Variants in SIK2 observed in about 807,000 individuals in gnomAD.
The protein encoded by SIK2 is serine/threonine-protein kinase SIK2.
In SIK2, 29 loss-of-function variants were observed where a neutral mutation model predicts 103.2. The observed-to-expected ratio is 0.28, with a 90% CI of 0.21 to 0.38. The LOEUF is 0.38. Among genes scored for constraint, SIK2 ranks in the 10% least tolerant of loss-of-function variants. SIK2 has a pLI of 1.00. For synonymous variants in SIK2, 412 were observed against 446.1 expected, an observed-to-expected ratio of 0.92 and a Z score of 0.96; for missense variants, 879 against 1,171.0, an observed-to-expected ratio of 0.75 and a Z score of 3.64.
chr11:111,661,629 A>G (rs540415765), intron 3 of SIK2, among the ~76,000 whole-genome samples: 12 of 152,360 alleles, frequency 7.9e-5, no homozygotes, highest in African/African-American at 2.9e-4. Context: ...TCATACTGCT[A>G]TTAGGAAATA....
At chr11:111,677,586 ATTTTTTTTTT>A (rs11384906) in intron 3 of SIK2, among the ~76,000 whole-genome samples, 1 of 110,940 alleles carries the variant, frequency 9.0e-6, no homozygotes. Context: ...CCCAGCTAAA[ATTTTTTTTTT>A]TTTTTTTTTT....
At chr11:111,681,224 C>T (rs1280706867) in intron 3 of SIK2, among the ~76,000 whole-genome samples, 1 of 152,122 alleles carries the variant, frequency 6.6e-6, no homozygotes, top group Non-Finnish European at 1.5e-5. Flanking sequence ...TTATAGACCT[C>T]CTTGAAATTA....
At chr11:111,616,536 T>G (rs1941808846) in intron 2 of SIK2, among the ~76,000 whole-genome samples, 177 bp downstream of exon 2, 1 of 152,170 alleles carries the variant, frequency 6.6e-6, no homozygotes, top group Non-Finnish European at 1.5e-5. Context: ...TCAGAAATCT[T>G]AAGTCATCTC....
chr11:111,634,803 T>C (rs760548819), intron 3 of SIK2, among the ~76,000 whole-genome samples: 11 of 152,226 alleles, frequency 7.2e-5, no homozygotes, highest in Non-Finnish European at 2.9e-5. Flanking sequence ...GCACATGTTG[T>C]ATGGGTTTTA....
chr11:111,643,577 G>A (rs528250134), intron 3 of SIK2, among the ~76,000 whole-genome samples: 55 of 152,226 alleles, frequency 3.6e-4, no homozygotes, highest in African/African-American at 9.2e-4. Context: ...TTGGGAGGCC[G>A]AGACTGGCAG....
intron 3 of SIK2, among the ~76,000 whole-genome samples, chr11:111,629,932 T>TGC (rs1343232791): frequency 6.6e-6 from 1 of 152,182 alleles, no homozygotes; most frequent in Non-Finnish European, 1.5e-5. Context: ...TAAACATGCA[T>TGC]ATACCCCATC....
At chr11:111,655,176 C>T (rs1942375825) in intron 3 of SIK2, among the ~76,000 whole-genome samples, 1 of 152,128 alleles carries the variant, frequency 6.6e-6, no homozygotes. Context: ...CCAAGGCACG[C>T]AGATCACTTG....
At chr11:111,671,936 G>A (rs996982900) in intron 3 of SIK2, 4 of 472,106 alleles carry the variant, frequency 8.5e-6, no homozygotes, top group African/African-American at 8.0e-5. Context: ...GTGTCCAGCT[G>A]CCACCAAAGG....
intron 3 of SIK2, among the ~76,000 whole-genome samples, chr11:111,630,621 C>G (rs184189387): frequency 2.0e-5 from 3 of 152,150 alleles, no homozygotes; most frequent in Admixed American, 1.3e-4. Flanking sequence ...GTTGGTTATG[C>G]CTTTTATTAG....
chr11:111,694,871 C>G (rs1045527580), intron 4 of SIK2, among the ~76,000 whole-genome samples: 1 of 152,128 alleles, frequency 6.6e-6, no homozygotes, highest in Non-Finnish European at 1.5e-5. Flanking sequence ...TGCTTCTTAG[C>G]TCATTGAACT....
intron 3 of SIK2, among the ~76,000 whole-genome samples, chr11:111,632,690 G>A (rs1349909456): frequency 3.3e-5 from 5 of 152,048 alleles, no homozygotes; most frequent in Non-Finnish European, 7.4e-5. Flanking sequence ...ATTATATGCC[G>A]CCTTAGAGTT....
intron 3 of SIK2, among the ~76,000 whole-genome samples, chr11:111,669,253 C>T (rs1340658096): frequency 6.6e-6 from 1 of 152,036 alleles, no homozygotes; most frequent in African/African-American, 2.4e-5. Flanking sequence ...AGAGGAAATA[C>T]ATTTGTATGT....
rs1943107621 is a variant in SIK2 at position 111,697,627 on chromosome 11, A to G, written c.479-3259A>G. ...TTGTCCAAGATTGCATAGCTAATAG[A>G]AAACCCAGGATTTGATCCCCAATCT... On this transcript the variant is annotated intron_variant, in intron 4 of 14. Transcript: ENST00000304987. Among the ~76,000 whole-genome samples, 3 of 152,152 alleles carry G rather than the reference A, an allele frequency of 2.0e-5. No individual in the cohort carries two copies. In the South Asian group the frequency reaches 6.2e-4, roughly 32 times the overall value.
intron 4 of SIK2, among the ~76,000 whole-genome samples, chr11:111,694,049 C>T (rs936199151): frequency 2.0e-5 from 3 of 152,146 alleles, no homozygotes; most frequent in East Asian, 1.9e-4. Context: ...TTGTAGGGTA[C>T]TTAGAACAGT....
At chr11:111,605,045 C>T (rs962285593) in intron 1 of SIK2, among the ~76,000 whole-genome samples, 5 of 151,312 alleles carry the variant, frequency 3.3e-5, no homozygotes, top group Non-Finnish European at 7.4e-5. Context: ...TCACTGCAAC[C>T]TCTGCCTCCT....
At chr11:111,695,195 G>T (rs1277068072) in intron 4 of SIK2, among the ~76,000 whole-genome samples, 1 of 152,040 alleles carries the variant, frequency 6.6e-6, no homozygotes, top group African/African-American at 2.4e-5. Context: ...ACTCTTCATC[G>T]AGGCTGGGTA....
intron 3 of SIK2, among the ~76,000 whole-genome samples, chr11:111,648,011 TA>T (rs1175430050): frequency 2.6e-5 from 4 of 152,064 alleles, no homozygotes; most frequent in African/African-American, 9.7e-5. Context: ...TTTCTCTTTC[TA>T]AATCAAATGC....
At chr11:111,650,046 T>G (rs1649884254) in intron 3 of SIK2, among the ~76,000 whole-genome samples, 1 of 152,142 alleles carries the variant, frequency 6.6e-6, no homozygotes, top group South Asian at 2.1e-4. Context: ...ACAGTTCATT[T>G]GTCCTGAAAG....
intron 3 of SIK2, among the ~76,000 whole-genome samples, chr11:111,686,073 G>A (rs1942841784): frequency 6.6e-6 from 1 of 152,168 alleles, no homozygotes; most frequent in Admixed American, 6.5e-5. Context: ...GAAGGTTTTA[G>A]GAAGATGAAA....
Sources: allele counts gnomAD v4.1 joint callset (sites outside exome capture counted in the v4.1 genomes callset), GRCh38; gene constraint gnomAD v4.1.1; transcripts MANE v1.5; gene names NCBI Gene and HGNC (gene_info 2026-07-23, HGNC 2026-07-21).